Variants in GPM6A observed in about 807,000 individuals in gnomAD.
GPM6A encodes the protein neuronal membrane glycoprotein M6-a.
Under a neutral mutation model 32.1 loss-of-function variants are expected in GPM6A, and 7 were observed. The observed-to-expected ratio is 0.22, with a 90% confidence interval of 0.12 to 0.41. The LOEUF (loss-of-function observed/expected upper bound fraction) is 0.41, where lower values mean the gene tolerates loss of function less well. Ranked by LOEUF, GPM6A falls within the 10% of genes least tolerant of loss-of-function variation. The probability of loss-of-function intolerance (pLI) is 1.00; values close to 1 mark genes in which losing one functional copy is unlikely to be tolerated. For synonymous variants in GPM6A, 130 were observed against 123.4 expected, an observed-to-expected ratio of 1.05 and a Z score of -0.35; for missense variants, 235 against 347.2, an observed-to-expected ratio of 0.68 and a Z score of 2.57.
chr4:175,965,163 G>A (rs1003983105), intron 1 of GPM6A, among the ~76,000 whole-genome samples: 4 of 152,068 alleles, frequency 2.6e-5, no homozygotes, highest in Admixed American at 6.6e-5. Context: ...ACCACATTTC[G>A]TGTCCTAAAA....
At chr4:175,905,023 A>C (rs1738086448) in intron 1 of GPM6A, among the ~76,000 whole-genome samples, 1 of 152,064 alleles carries the variant, frequency 6.6e-6, no homozygotes, top group South Asian at 2.1e-4. Context: ...TCACATATGC[A>C]TATGAAGTCC....
rs1740455763 is a variant in GPM6A at position 175,634,340 on chromosome 4, A to C, written c.*565T>G. The C allele has an allele frequency of 6.6e-6, 1 of 152,470 alleles. No homozygotes were observed. 9.4% of individuals were successfully genotyped at this position (152,470 alleles called of 1,614,324 possible). A position where few individuals can be genotyped will look rare whatever the true frequency, so the allele number is the denominator to read the frequency against. ...CTACTCTTACAAATTTAGAAATTGC[A>C]CCTTAGATTGATGAAAACATGAACC... On this transcript the variant is annotated 3_prime_UTR_variant, in exon 7 of 7. Coordinates refer to ENST00000393658, the MANE Select transcript of GPM6A (RefSeq NM_201591.3).
At chr4:175,782,478 C>T (rs2111255912) in intron 1 of GPM6A, among the ~76,000 whole-genome samples, 1 of 152,188 alleles carries the variant, frequency 6.6e-6, no homozygotes, top group East Asian at 1.9e-4. Flanking sequence ...ATGTCTTCCT[C>T]CCCTTACATA....
chr4:175,870,607 T>C (rs1736876657), intron 1 of GPM6A, among the ~76,000 whole-genome samples: 1 of 152,228 alleles, frequency 6.6e-6, no homozygotes. Context: ...GAATTTCCTC[T>C]TTTAAATATA....
intron 1 of GPM6A, among the ~76,000 whole-genome samples, chr4:175,798,033 G>A (rs144884024): frequency 1.8e-4 from 27 of 152,270 alleles, no homozygotes; most frequent in African/African-American, 6.0e-4. Context: ...TCAGAAACTT[G>A]AGTTGGGGAA....
chr4:175,899,536 G>A (rs191768944), intron 1 of GPM6A, among the ~76,000 whole-genome samples: 22 of 152,192 alleles, frequency 1.4e-4, no homozygotes, highest in Non-Finnish European at 2.9e-4. Context: ...ACAGACCAAT[G>A]GAACAGAGTA....
chr4:175,862,191 T>C (rs900423608), intron 1 of GPM6A, among the ~76,000 whole-genome samples: 1 of 152,212 alleles, frequency 6.6e-6, no homozygotes, highest in Non-Finnish European at 1.5e-5. Flanking sequence ...GAGAAAAGTG[T>C]GCACTTTGCA....
At chr4:175,802,751 AT>A (rs1579518583) in intron 1 of GPM6A, among the ~76,000 whole-genome samples, 1 of 152,146 alleles carries the variant, frequency 6.6e-6, no homozygotes, top group Admixed American at 6.5e-5. Context: ...ACAGCGTATT[AT>A]AAAATATTAT....
chr4:175,709,361 C>T (rs1276061936), intron 1 of GPM6A, among the ~76,000 whole-genome samples: 1 of 151,214 alleles, frequency 6.6e-6, no homozygotes, highest in Non-Finnish European at 1.5e-5. Flanking sequence ...CTCTGTCTGT[C>T]TTTCTTTTCT....
At chr4:175,837,762 A>T (rs1735812768) in intron 1 of GPM6A, among the ~76,000 whole-genome samples, 1 of 152,090 alleles carries the variant, frequency 6.6e-6, no homozygotes, top group African/African-American at 2.4e-5. Context: ...GGATTTAATT[A>T]TTTTATTTGA....
chr4:175,978,298 A>AT (rs1393359462), intron 1 of GPM6A, among the ~76,000 whole-genome samples: 1 of 152,134 alleles, frequency 6.6e-6, no homozygotes, highest in Non-Finnish European at 1.5e-5. Flanking sequence ...AACACTTATA[A>AT]AACTATCAGA....
At chr4:175,965,131 C>A (rs572578939) in intron 1 of GPM6A, among the ~76,000 whole-genome samples, 1 of 152,146 alleles carries the variant, frequency 6.6e-6, no homozygotes, top group African/African-American at 2.4e-5. Flanking sequence ...CTCAATCTCA[C>A]GCAGAACATT....
chr4:175,746,829 T>C (rs529243157), intron 1 of GPM6A, among the ~76,000 whole-genome samples: 1 of 152,290 alleles, frequency 6.6e-6, no homozygotes, highest in East Asian at 1.9e-4. Flanking sequence ...GGATTATCAA[T>C]ATAATAACTG....
At chr4:175,643,201 C>T (rs965692790) in intron 4 of GPM6A, among the ~76,000 whole-genome samples, 1 of 152,188 alleles carries the variant, frequency 6.6e-6, no homozygotes, top group Non-Finnish European at 1.5e-5. Context: ...TGCTTCTACC[C>T]TTCCTACAAA....
At chr4:175,868,534 A>G (rs1381666114) in intron 1 of GPM6A, among the ~76,000 whole-genome samples, 2 of 152,096 alleles carry the variant, frequency 1.3e-5, no homozygotes, top group Admixed American at 6.6e-5. Context: ...TTTTCATTCA[A>G]TTTCAAATTG....
intron 1 of GPM6A, among the ~76,000 whole-genome samples, chr4:175,862,942 G>T (rs1204465289): frequency 3.3e-5 from 5 of 152,018 alleles, no homozygotes; most frequent in Non-Finnish European, 7.4e-5. Context: ...ATGAATATCA[G>T]CATGTGAGTT....
intron 1 of GPM6A, among the ~76,000 whole-genome samples, chr4:175,772,279 A>G (rs1733221779): frequency 1.3e-5 from 2 of 152,196 alleles, no homozygotes; most frequent in African/African-American, 4.8e-5. Context: ...TGAAATTGGA[A>G]AGAGAATGAA....
At chr4:175,650,266 ATTATTTTAT>A (rs1259594688) in intron 4 of GPM6A, among the ~76,000 whole-genome samples, 8 of 147,952 alleles carry the variant, frequency 5.4e-5, no homozygotes, top group South Asian at 2.1e-4. Flanking sequence ...CTTTGATTTC[ATTATTTTAT>A]TTATTTATTT....
At chr4:175,850,600 A>T (rs1736223171) in intron 1 of GPM6A, among the ~76,000 whole-genome samples, 1 of 152,182 alleles carries the variant, frequency 6.6e-6, no homozygotes, top group African/African-American at 2.4e-5. Flanking sequence ...CATGCCTGAC[A>T]GCAAAAATAG....
Sources: gnomAD v4.1 joint callset for allele counts (sites outside exome capture counted in the v4.1 genomes callset) on GRCh38, gnomAD v4.1.1 for gene constraint, MANE v1.5 for transcripts, NCBI Gene and HGNC (gene_info 2026-07-23, HGNC 2026-07-21) for gene names.